FAM53B: variants seen among roughly 807,000 people sequenced by gnomAD.
The protein encoded by FAM53B is protein FAM53B.
FAM53B carries 12 observed loss-of-function variants against 32.7 expected under a neutral mutation model. That is an observed-to-expected ratio of 0.37 (90% CI 0.24 to 0.59). The LOEUF is 0.59. FAM53B is among the 20% of genes least tolerant of loss of function. The pLI is 0.72. For missense variants in FAM53B, 477 were observed against 577.7 expected (o/e 0.83, Z 1.79); for synonymous variants, 234 against 228.7 (o/e 1.02, Z -0.21).
At chr10:124,702,284 T>C (rs772772409) in intron 2 of FAM53B, among the ~76,000 whole-genome samples, 1 of 152,248 alleles carries the variant, frequency 6.6e-6, no homozygotes, top group Non-Finnish European at 1.5e-5. Context: ...TTATTTTCCA[T>C]CGTTCCTGTT....
At chr10:124,723,402 T>A (rs1469728640) in intron 1 of FAM53B, among the ~76,000 whole-genome samples, 1 of 152,234 alleles carries the variant, frequency 6.6e-6, no homozygotes, top group African/African-American at 2.4e-5. Context: ...CACCTCCTGA[T>A]TCACGGAGGG....
chr10:124,706,921 G>C (rs1022769257), intron 1 of FAM53B, 34 bp from the exon 2 acceptor site: 2 of 1,419,684 alleles, frequency 1.4e-6, no homozygotes, highest in Non-Finnish European at 1.8e-6. Context: ...AAAGATTCAG[G>C]ACTAAGAAAG....
chr10:124,714,563 A>G (rs1346684201), intron 1 of FAM53B, among the ~76,000 whole-genome samples: 1 of 151,898 alleles, frequency 6.6e-6, no homozygotes, highest in Non-Finnish European at 1.5e-5. Context: ...GATCGAGACC[A>G]TCCTGGCTAA....
intron 2 of FAM53B, among the ~76,000 whole-genome samples, chr10:124,698,042 T>C (rs942013): frequency 0.94 from 142,753 of 152,256 alleles, 67,581 homozygotes; most frequent in Non-Finnish European, 1. Flanking sequence ...CCTGCACAGC[T>C]GAGAGCTCAG....
At chr10:124,673,815 C>CTGCT (rs1445785759) in intron 4 of FAM53B, among the ~76,000 whole-genome samples, 1 of 152,222 alleles carries the variant, frequency 6.6e-6, no homozygotes, top group African/African-American at 2.4e-5. Flanking sequence ...TGCCCCAGAC[C>CTGCT]TGCTAATTCA....
chr10:124,677,880 C>T (rs1949746117), intron 4 of FAM53B, among the ~76,000 whole-genome samples: 1 of 152,186 alleles, frequency 6.6e-6, no homozygotes, highest in Non-Finnish European at 1.5e-5. Flanking sequence ...CAGGAGAATG[C>T]TCACACACGG....
At chr10:124,708,357 T>C (rs887123844) in intron 1 of FAM53B, among the ~76,000 whole-genome samples, 2 of 152,228 alleles carry the variant, frequency 1.3e-5, no homozygotes, top group African/African-American at 2.4e-5. Context: ...TACCTTCTAC[T>C]GTTCTTCGAA....
At chr10:124,735,140 C>CA (rs1412138141) in intron 1 of FAM53B, among the ~76,000 whole-genome samples, 1 of 152,110 alleles carries the variant, frequency 6.6e-6, no homozygotes, top group Admixed American at 6.5e-5. Context: ...AGAGGAAGAA[C>CA]AAAAAACAAA....
intron 1 of FAM53B, among the ~76,000 whole-genome samples, chr10:124,734,125 G>A (rs573023733): frequency 2.6e-5 from 4 of 152,198 alleles, no homozygotes; most frequent in African/African-American, 4.8e-5. Flanking sequence ...TCCAGAGGAC[G>A]GTGTAACTCA....
At chr10:124,650,333 G>A (rs1949548402) in intron 4 of FAM53B, among the ~76,000 whole-genome samples, 1 of 152,208 alleles carries the variant, frequency 6.6e-6, no homozygotes, top group Non-Finnish European at 1.5e-5. Flanking sequence ...AACCAGGCAT[G>A]AGCCTAGGTC....
At position 124,622,893 on chromosome 10, in the gene FAM53B, A is replaced by C; in HGVS notation, c.*349T>G. ...ACAGCCCCCACCACCAGGGGGATAC[A>C]GAGCGGTGCCCAGCTCTGCCGGGGA... On this transcript the variant is annotated 3_prime_UTR_variant, in exon 5 of 5. Transcript: ENST00000337318. 5.0e-6 allele frequency: 1 copy of C among 199,306 alleles called. No homozygotes were observed. Among genetic ancestry groups the C allele is most frequent in the Non-Finnish European group, 1.0e-5 (1 of 98,360 alleles). 12.3% of individuals were successfully genotyped at this position (199,306 alleles called of 1,614,324 possible).
intron 1 of FAM53B, among the ~76,000 whole-genome samples, chr10:124,715,278 A>C (rs1950032102): frequency 6.6e-6 from 1 of 152,226 alleles, no homozygotes; most frequent in Non-Finnish European, 1.5e-5. Flanking sequence ...GCAGATGACG[A>C]GTATCTTGGA....
chr10:124,672,514 C>T (rs556827627), intron 4 of FAM53B, among the ~76,000 whole-genome samples: 157 of 152,272 alleles, frequency 1.0e-3, no homozygotes, highest in Admixed American at 2.4e-3. Flanking sequence ...GAGGCCATCA[C>T]AGGCCCCTTG....
At chr10:124,730,656 G>C (rs900189396) in intron 1 of FAM53B, among the ~76,000 whole-genome samples, 1 of 152,146 alleles carries the variant, frequency 6.6e-6, no homozygotes, top group Admixed American at 6.6e-5. Flanking sequence ...CAACGTTCTG[G>C]GTCTGTGCTG....
At position 124,623,509 on chromosome 10, in the gene FAM53B, C is replaced by T; in HGVS notation, c.1002G>A (p.Arg334=). The T allele has an allele frequency of 6.3e-7, 1 of 1,594,632 alleles. No individual in the cohort carries two copies. Among genetic ancestry groups the T allele is most frequent in the South Asian group, 1.1e-5 (1 of 89,020 alleles). Residue 334 remains arginine, a synonymous_variant, in exon 5 of 5, where the codon AGG becomes AGA. Coordinates refer to ENST00000337318, the MANE Select transcript of FAM53B (RefSeq NM_014661.4). ...SPFARHVSNT[R]AWTALLSASG... ...AGGCTGAGAGCAGGGCGGTCCAGGC[C>T]CTGGTGTTGCTGACGTGGCGGGCGA...
chr10:124,672,825 T>G (rs755752722), intron 4 of FAM53B, among the ~76,000 whole-genome samples: 4 of 152,268 alleles, frequency 2.6e-5, no homozygotes, highest in African/African-American at 7.2e-5. Flanking sequence ...GTGCAAGGAC[T>G]GGGGGGTAAG....
chr10:124,675,496 G>GAGT (rs763561493), intron 4 of FAM53B, among the ~76,000 whole-genome samples: 2 of 152,182 alleles, frequency 1.3e-5, no homozygotes, highest in Non-Finnish European at 2.9e-5. Flanking sequence ...CATCAAAGCT[G>GAGT]GCATTTGCTG....
At chr10:124,664,731 GATTT>G (rs1487718485) in intron 4 of FAM53B, among the ~76,000 whole-genome samples, 3 of 152,184 alleles carry the variant, frequency 2.0e-5, no homozygotes, top group African/African-American at 7.2e-5. Flanking sequence ...CCAAAACAAT[GATTT>G]ATTAGGCACT....
intron 4 of FAM53B, chr10:124,667,087 T>G: frequency 2.8e-6 from 1 of 363,144 alleles, no homozygotes. Flanking sequence ...CAAAGCTACA[T>G]GCAGTCACTG....
Sources: allele counts gnomAD v4.1 joint callset (sites outside exome capture counted in the v4.1 genomes callset), GRCh38; gene constraint gnomAD v4.1.1; transcripts MANE v1.5; gene names NCBI Gene and HGNC (gene_info 2026-07-23, HGNC 2026-07-21).